The following TMEM196 variants were observed in gnomAD, a reference collection of about 807,000 sequenced individuals.
TMEM196 encodes transmembrane protein 196.
In TMEM196, 17 loss-of-function variants were observed where a neutral mutation model predicts 20.0. The observed-to-expected ratio is 0.85, with a 90% confidence interval of 0.58 to 1.27. The LOEUF is 1.27. TMEM196 is among the 50% of genes most tolerant of loss of function. The pLI is 0.00. For synonymous variants in TMEM196, 113 were observed against 88.9 expected, an observed-to-expected ratio of 1.27 and a Z score of -1.52; for missense variants, 267 against 223.0, an observed-to-expected ratio of 1.20 and a Z score of -1.26.
At position 19,721,371 on chromosome 7, in the gene TMEM196, A is replaced by T. The variant is rs1783807651; in HGVS notation, c.*757T>A. 1 of 152,118 alleles carries T rather than the reference A, an allele frequency of 6.6e-6. No individual in the cohort carries two copies. The highest frequency in any genetic ancestry group is 2.1e-4 in the South Asian group (1 of 4,822). The allele number at this position is 152,118 out of a possible 1,614,324, so 9.4% of individuals were successfully genotyped here. On this transcript the variant is annotated 3_prime_UTR_variant, in exon 5 of 5. Coordinates refer to ENST00000405844, the MANE Select transcript of TMEM196 (RefSeq NM_001363562.2). ...ATACACACATTCACACACATACTTT[A>T]TTCTTAGGCTCATTCATGAACATGC...
chr7:19,724,690 C>A (rs1783929892), intron 3 of TMEM196, among the ~76,000 whole-genome samples: 1 of 152,114 alleles, frequency 6.6e-6, no homozygotes, highest in Admixed American at 6.6e-5. Context: ...AAGAGATGTG[C>A]AGTAAGTCTT....
chr7:19,772,122 T>C (rs1785905352), intron 1 of TMEM196, among the ~76,000 whole-genome samples: 1 of 152,068 alleles, frequency 6.6e-6, no homozygotes, highest in Non-Finnish European at 1.5e-5. Context: ...TGTTCCCTGA[T>C]ACAAAAAAAT....
At chr7:19,736,923 A>C (rs1396808826) in intron 1 of TMEM196, among the ~76,000 whole-genome samples, 1 of 151,912 alleles carries the variant, frequency 6.6e-6, no homozygotes. Context: ...ATCTTTTCTA[A>C]ATTTTTTTCA....
intron 1 of TMEM196, among the ~76,000 whole-genome samples, chr7:19,742,559 A>G (rs1784616834): frequency 6.6e-6 from 1 of 152,118 alleles, no homozygotes; most frequent in African/African-American, 2.4e-5. Context: ...CAATAATCCT[A>G]TCTGAATGTG....
At chr7:19,727,318 A>C (rs1204215305) in intron 2 of TMEM196, among the ~76,000 whole-genome samples, 3 of 152,204 alleles carry the variant, frequency 2.0e-5, no homozygotes, top group Admixed American at 1.3e-4. Flanking sequence ...AGAAGAATTT[A>C]GCCCAGCCAA....
intron 2 of TMEM196, 100 bp from the exon 3 acceptor site, chr7:19,725,868 A>T: frequency 7.3e-7 from 1 of 1,370,976 alleles, no homozygotes; most frequent in Non-Finnish European, 9.7e-7. Flanking sequence ...CTAGCCTACA[A>T]TAAAGAAGAA....
At chr7:19,733,659 TTA>T (rs144756953) in intron 1 of TMEM196, among the ~76,000 whole-genome samples, 31,215 of 148,110 alleles carry the variant, frequency 0.21, 3,498 homozygotes, top group East Asian at 0.31. Context: ...AGATCCTTTT[TTA>T]AAAAAAAAAA....
At chr7:19,755,221 A>G (rs897024382) in intron 1 of TMEM196, among the ~76,000 whole-genome samples, 21 of 152,234 alleles carry the variant, frequency 1.4e-4, no homozygotes, top group African/African-American at 5.1e-4. Flanking sequence ...TGCATATTTT[A>G]ACACTGATGC....
chr7:19,733,554 A>C (rs1170365005), intron 1 of TMEM196, among the ~76,000 whole-genome samples: 2 of 152,154 alleles, frequency 1.3e-5, no homozygotes, highest in Non-Finnish European at 2.9e-5. Context: ...TTTATGAAGC[A>C]AAAGGCTTAG....
At chr7:19,734,416 A>T (rs775951903) in intron 1 of TMEM196, among the ~76,000 whole-genome samples, 1 of 152,176 alleles carries the variant, frequency 6.6e-6, no homozygotes, top group Non-Finnish European at 1.5e-5. Context: ...ACCCATGAAT[A>T]TTATAGGGTA....
intron 1 of TMEM196, among the ~76,000 whole-genome samples, chr7:19,735,468 T>TTC (rs1003988209): frequency 1.3e-5 from 2 of 152,192 alleles, no homozygotes; most frequent in African/African-American, 4.8e-5. Flanking sequence ...CTCTTTCTTT[T>TTC]TCTCTCTCTC....
chr7:19,742,443 C>T (rs887091543), intron 1 of TMEM196, among the ~76,000 whole-genome samples: 3 of 152,116 alleles, frequency 2.0e-5, no homozygotes, highest in East Asian at 1.9e-4. Context: ...CCAGGGCTTA[C>T]GTCATATTAA....
At chr7:19,729,256 GTTT>G (rs11401553) in intron 2 of TMEM196, 123 bp downstream of exon 2, 83 of 434,688 alleles carry the variant, frequency 1.9e-4, no homozygotes, top group Non-Finnish European at 2.1e-4. Context: ...TTATTTGTCA[GTTT>G]TTTTTTTTTT....
intron 1 of TMEM196, among the ~76,000 whole-genome samples, chr7:19,761,739 GAA>G (rs1411445758): frequency 6.6e-6 from 1 of 152,154 alleles, no homozygotes; most frequent in African/African-American, 2.4e-5. Flanking sequence ...ATGAACTTAA[GAA>G]TAAATTTCGG....
At chr7:19,729,796 T>C (rs1784131080) in intron 1 of TMEM196, among the ~76,000 whole-genome samples, 1 of 152,120 alleles carries the variant, frequency 6.6e-6, no homozygotes, top group African/African-American at 2.4e-5. Flanking sequence ...ACTTAACAAC[T>C]AGAAATCAGT....
chr7:19,736,353 CTATA>C (rs71017071), intron 1 of TMEM196, among the ~76,000 whole-genome samples: 713 of 37,370 alleles, frequency 0.019, 1 homozygote, highest in Non-Finnish European at 0.024. Flanking sequence ...GTGGTTCCTA[CTATA>C]TATATATATA....
At chr7:19,724,076 A>C (rs1193344753) in intron 4 of TMEM196, among the ~76,000 whole-genome samples, 4 of 152,152 alleles carry the variant, frequency 2.6e-5, no homozygotes. Context: ...TATTTTACAT[A>C]CTCAACCAAC....
At chr7:19,740,807 G>A (rs1402859201) in intron 1 of TMEM196, among the ~76,000 whole-genome samples, 1 of 152,008 alleles carries the variant, frequency 6.6e-6, no homozygotes, top group Non-Finnish European at 1.5e-5. Context: ...AGGTATTTCA[G>A]GAACAAACTC....
At chr7:19,738,629 C>T (rs1784486100) in intron 1 of TMEM196, among the ~76,000 whole-genome samples, 1 of 152,008 alleles carries the variant, frequency 6.6e-6, no homozygotes. Context: ...ACAAAACCCA[C>T]ATTGAGGTTT....
Sources: allele counts gnomAD v4.1 joint callset (sites outside exome capture counted in the v4.1 genomes callset), GRCh38; gene constraint gnomAD v4.1.1; transcripts MANE v1.5; gene names NCBI Gene and HGNC (gene_info 2026-07-23, HGNC 2026-07-21).